AGO2: variants seen among roughly 807,000 people sequenced by gnomAD.
AGO2 encodes the protein protein argonaute-2.
AGO2 carries 5 observed loss-of-function variants against 102.3 expected under a neutral mutation model. The observed-to-expected ratio is 0.05, with a 90% CI of 0.03 to 0.10. The LOEUF (loss-of-function observed/expected upper bound fraction) is 0.10, where lower values mean the gene tolerates loss of function less well. Among genes scored for constraint, AGO2 ranks in the 10% least tolerant of loss-of-function variants. AGO2 has a pLI of 1.00. For synonymous variants in AGO2, 449 were observed against 473.1 expected (o/e 0.95, Z 0.66); for missense variants, 541 against 1,183.7 (o/e 0.46, Z 7.97).
chr8:140,642,222 G>T, the AGO2 span, among the ~76,000 whole-genome samples: 1 of 152,154 alleles, frequency 6.6e-6, no homozygotes, highest in African/African-American at 2.4e-5. Context: ...ACAGGGAGCG[G>T]CACGGCACTG....
intron 2 of AGO2, among the ~76,000 whole-genome samples, chr8:140,580,701 G>C (rs1022748320): frequency 6.6e-6 from 1 of 152,258 alleles, no homozygotes; most frequent in African/African-American, 2.4e-5. Flanking sequence ...GAGGAGGCAG[G>C]AGGTAGGCCA....
At position 140,557,044 on chromosome 8, in the gene AGO2, C is replaced by T. The variant is rs1045079349; in HGVS notation, c.1026+45G>A. The T allele has an allele frequency of 4.4e-6, 7 of 1,577,316 alleles. No individual in the cohort carries two copies. The highest frequency in any genetic ancestry group is 1.8e-5 in the Admixed American group (1 of 56,010). ...AGCTGCATGCCCCAGCCTGGGACGC[C>T]GCCCTCCCAAGCCCCCAGAGACACA... On this transcript the variant is annotated intron_variant, in intron 8 of 18. Transcript: ENST00000220592. This position sits in a 1 kb window ranked among gnomAD's most constrained non-coding sequence, Gnocchi z 5.9.
intron 3 of AGO2, 46 bp from the exon 4 acceptor site, chr8:140,562,680 C>G: frequency 6.3e-7 from 1 of 1,581,618 alleles, no homozygotes; most frequent in Non-Finnish European, 8.6e-7. Flanking sequence ...CTGCGAAGCC[C>G]CAGGGAGGAC....
intron 3 of AGO2, among the ~76,000 whole-genome samples, chr8:140,571,954 G>A (rs977364488): frequency 1.3e-5 from 2 of 152,044 alleles, no homozygotes; most frequent in Non-Finnish European, 2.9e-5. Context: ...GGCTGGTCTC[G>A]AACTCCTGAT....
At chr8:140,534,184 G>C (rs1038712586) in intron 17 of AGO2, among the ~76,000 whole-genome samples, 1 of 152,256 alleles carries the variant, frequency 6.6e-6, no homozygotes, top group Non-Finnish European at 1.5e-5. Flanking sequence ...GGGCCCAGGG[G>C]AGTGAGGGCA....
intron 1 of AGO2, among the ~76,000 whole-genome samples, chr8:140,604,781 C>T (rs770357835): frequency 5.3e-5 from 8 of 151,674 alleles, no homozygotes; most frequent in Non-Finnish European, 8.8e-5. Context: ...GAGCCGAGGT[C>T]GCGCCACTGC....
chr8:140,583,977 G>T (rs1038664584), intron 2 of AGO2, among the ~76,000 whole-genome samples: 1 of 152,144 alleles, frequency 6.6e-6, no homozygotes, highest in Non-Finnish European at 1.5e-5. Context: ...GACCACGGTG[G>T]TATATGTGTC....
At chr8:140,590,990 C>G (rs569747806) in intron 1 of AGO2, among the ~76,000 whole-genome samples, 2 of 152,176 alleles carry the variant, frequency 1.3e-5, no homozygotes, top group Admixed American at 6.5e-5. Context: ...TGCATCCACA[C>G]GCTGAGAAGG....
Position 140,573,473 on chromosome 8 carries a change from C to T in AGO2, c.216-541G>A, listed in dbSNP as rs374394429. On this transcript the variant is annotated intron_variant, in intron 2 of 18. Coordinates refer to ENST00000220592, the MANE Select transcript of AGO2 (RefSeq NM_012154.5). Reference sequence around the variant, plus strand: ...AATTACAGGCGTGAGCCACCGCACCCAGCCCTCTGATGCTATTTTTAAAGC... The same window carrying T: ...AATTACAGGCGTGAGCCACCGCACCTAGCCCTCTGATGCTATTTTTAAAGC... 5.3e-5 allele frequency among the ~76,000 whole-genome samples: 8 copies of T among 152,294 alleles called. No individual in the cohort carries two copies. The East Asian group carries it at 1.4e-3, about 26-fold the overall frequency.
chr8:140,621,873 G>A (rs2074221941), intron 1 of AGO2, among the ~76,000 whole-genome samples: 1 of 152,170 alleles, frequency 6.6e-6, no homozygotes, highest in Non-Finnish European at 1.5e-5. Context: ...CTGTACAACA[G>A]CTAAGTGGGC....
rs1213712002 is a variant in AGO2, at chr8:140,540,657, TC to T, written c.2034+506del. ...ACTCAGCAGTGACCCATTGTGGCCG[TC>T]CCTCTCTCTACATCCAGACAGTGGC... On this transcript the variant is annotated intron_variant, in intron 15 of 18. Coordinates refer to ENST00000220592, the MANE Select transcript of AGO2 (RefSeq NM_012154.5). The surrounding 1 kb of genome is among the most constrained non-coding windows in gnomAD (Gnocchi z 5.0). Among the ~76,000 whole-genome samples, 1 of 152,122 alleles carries T rather than the reference TC, an allele frequency of 6.6e-6. No homozygotes were observed. The highest frequency in any genetic ancestry group is 1.5e-5 in the Non-Finnish European group (1 of 68,004).
Position 140,551,365 on chromosome 8 carries a change from C to A in AGO2, c.1341G>T (p.Glu447Asp). ...MRNKQFHTGI[E>D]IKVWAIACFA... ...AGCACGCAATGGCCCACACCTTGATCTCGATGCCCGTGTGGAACTGCTTGT... is the reference window on the plus strand; with the variant it reads ...AGCACGCAATGGCCCACACCTTGATATCGATGCCCGTGTGGAACTGCTTGT... Residue 447 changes from glutamate to aspartate, a missense_variant, in exon 11 of 19, where the codon GAG (glutamate) becomes GAT (aspartate). Around this residue, in one of 6 missense-constraint regions of AGO2, gnomAD observed 309 missense variants for 735.1 expected, o/e 0.42. Coordinates refer to ENST00000220592, the MANE Select transcript of AGO2 (RefSeq NM_012154.5). 2 of 1,600,302 alleles carry A rather than the reference C, an allele frequency of 1.2e-6. No individual in the cohort carries two copies. The highest frequency in any genetic ancestry group is 1.7e-6 in the Non-Finnish European group (2 of 1,171,368).
rs1429877257 is a variant in AGO2 at position 140,635,532 on chromosome 8, G to C, written c.-26C>G. 1.0e-6 allele frequency: 1 copy of C among 979,830 alleles called. No homozygotes were observed. The highest frequency in any genetic ancestry group is 1.8e-5 in the African/African-American group (1 of 56,530). 60.7% of individuals were successfully genotyped at this position (979,830 alleles called of 1,614,324 possible). A position where few individuals can be genotyped will look rare whatever the true frequency, so the allele number is the denominator to read the frequency against. On this transcript the variant is annotated 5_prime_UTR_variant, in exon 1 of 19. Transcript: ENST00000220592. ...GGTGGCGCCGCCGAGGGGCTCCGGG[G>C]CCGAGGGGCGGCCGCGCGCGCGCCA... is the stretch of plus-strand genomic sequence containing the variant.
upstream of AGO2, among the ~76,000 whole-genome samples, chr8:140,640,507 C>T (rs1175597150): frequency 6.6e-6 from 1 of 151,970 alleles, no homozygotes; most frequent in African/African-American, 2.4e-5. Flanking sequence ...TTGCCCCAGC[C>T]TGAGGACAGC....
chr8:140,556,022 G>A lies in AGO2; in HGVS notation c.1147-4C>T. On this transcript the variant is annotated splice_polypyrimidine_tract_variant and splice_region_variant and intron_variant, in intron 9 of 18. Coordinates refer to ENST00000220592, the MANE Select transcript of AGO2 (RefSeq NM_012154.5). ...TGTTGAAACTTGCACTTCGCATCTG[G>A]CAAAGGGAAACAAGAAAACGCACGG... 1 of 1,614,128 alleles carries A rather than the reference G, an allele frequency of 6.2e-7. No individual in the cohort carries two copies. The highest frequency in any genetic ancestry group is 8.5e-7 in the Non-Finnish European group (1 of 1,179,966).
In AGO2 at chr8:140,625,990, G is replaced by A. The variant is rs540424880; in HGVS notation, c.22+9495C>T. ...ACTTCACGAAGCAGCAGCACGCACA[G>A]GGACCAAGGTGCGCCCAGCAAGGCC... is the stretch of plus-strand genomic sequence containing the variant. On this transcript the variant is annotated intron_variant, in intron 1 of 18. Coordinates refer to ENST00000220592, the MANE Select transcript of AGO2 (RefSeq NM_012154.5). Among the ~76,000 whole-genome samples, 3 of 152,362 alleles carry A rather than the reference G, an allele frequency of 2.0e-5. No individual in the cohort carries two copies. In the South Asian group the frequency reaches 6.2e-4, roughly 32 times the overall value.
rs767491108 is a variant in AGO2 at position 140,556,015 on chromosome 8, G to T, written c.1150C>A (p.Arg384=). The change falls in exon 10 of 19, where the codon CGA becomes AGA. Residue 384 remains arginine (R), a synonymous_variant. Coordinates refer to ENST00000220592, the MANE Select transcript of AGO2 (RefSeq NM_012154.5). ...DRQEEISKLM[R]SASFNTDPYV... is the part of the protein sequence containing the mutation. ...GGATCTGTGTTGAAACTTGCACTTC[G>T]CATCTGGCAAAGGGAAACAAGAAAA... 1 of 1,614,098 alleles carries T rather than the reference G, an allele frequency of 6.2e-7. No individual in the cohort carries two copies. The highest frequency in any genetic ancestry group is 1.1e-5 in the South Asian group (1 of 91,082).
At chr8:140,633,924 C>G (rs550897506) in intron 1 of AGO2, among the ~76,000 whole-genome samples, 1 of 152,234 alleles carries the variant, frequency 6.6e-6, no homozygotes, top group Non-Finnish European at 1.5e-5. Flanking sequence ...AGCCTCTTCA[C>G]TTTTTCTGGG....
chr8:140,599,709 C>A (rs1012366437), intron 1 of AGO2, among the ~76,000 whole-genome samples: 2 of 152,132 alleles, frequency 1.3e-5, no homozygotes, highest in Non-Finnish European at 2.9e-5. Context: ...AAATCAAGAC[C>A]CTCTCACGAT....
Sources: allele counts gnomAD v4.1 joint callset (sites outside exome capture counted in the v4.1 genomes callset), GRCh38; gene constraint gnomAD v4.1.1; regional missense constraint gnomAD v4.1.1; non-coding constraint Gnocchi (gnomAD v3.1); transcripts MANE v1.5; gene names NCBI Gene and HGNC (gene_info 2026-07-23, HGNC 2026-07-21).